Variants in PCNT observed in about 807,000 individuals in gnomAD.
The protein encoded by PCNT is kendrin.
In PCNT, 319 loss-of-function variants were observed where a neutral mutation model predicts 380.4. The ratio of observed to expected loss-of-function variants is 0.84; its 90% CI spans 0.77 to 0.92. The LOEUF is 0.92. Among genes scored for constraint, PCNT ranks in the 40% least tolerant of loss-of-function variants. The pLI is 0.00. For synonymous variants in PCNT, 1,845 were observed against 1,735.2 expected, an observed-to-expected ratio of 1.06 and a Z score of -1.57; for missense variants, 4,400 against 4,255.3, an observed-to-expected ratio of 1.03 and a Z score of -0.95.
chr21:46,334,020 C>T (rs962155774), intron 2 of PCNT, among the ~76,000 whole-genome samples: 18 of 152,098 alleles, frequency 1.2e-4, no homozygotes, highest in East Asian at 5.8e-4. Context: ...TCTTGGCTAA[C>T]ATGGTGAAAC....
intron 23 of PCNT, 44 bp downstream of exon 23, chr21:46,398,174 CTG>C (rs2086271015): frequency 4.4e-6 from 7 of 1,607,052 alleles, no homozygotes; most frequent in African/African-American, 4.0e-5. Context: ...CTGTCTTTCA[CTG>C]TGTTTTTAAG....
rs2084330410 is a variant in PCNT, at chr21:46,352,986, TG to T, written c.1457-115del. 15 of 798,848 alleles carry T rather than the reference TG, an allele frequency of 1.9e-5. 1 individual carries two copies. The South Asian group carries it at 2.2e-4, about 12-fold the overall frequency. 49.5% of individuals were successfully genotyped at this position (798,848 alleles called of 1,614,324 possible). On this transcript the variant is annotated intron_variant, in intron 9 of 46. Transcript: ENST00000359568. ...GGGGTCCCTCATCCCTCTCCGGTTC[TG>T]GGATGGGCCCTTTTCCGAGTTCTGC...
chr21:46,403,046 A>G (rs984556326), intron 27 of PCNT, among the ~76,000 whole-genome samples: 1 of 152,288 alleles, frequency 6.6e-6, no homozygotes, highest in Admixed American at 6.5e-5. Flanking sequence ...TCAAAATTGC[A>G]GAGCATTCAT....
intron 35 of PCNT, among the ~76,000 whole-genome samples, chr21:46,429,014 T>C (rs2147947249): frequency 6.6e-6 from 1 of 152,366 alleles, no homozygotes; most frequent in East Asian, 1.9e-4. Context: ...GTCAGCTGTG[T>C]GGGCAGATGC....
chr21:46,405,767 C>T (rs1228511330), intron 27 of PCNT, among the ~76,000 whole-genome samples: 1 of 152,086 alleles, frequency 6.6e-6, no homozygotes, highest in Non-Finnish European at 1.5e-5. Flanking sequence ...CTATAGTGCT[C>T]TAGAACTTGA....
At chr21:46,378,518 G>A (rs922888367) in intron 15 of PCNT, among the ~76,000 whole-genome samples, 1 of 152,054 alleles carries the variant, frequency 6.6e-6, no homozygotes, top group Admixed American at 6.6e-5. Flanking sequence ...TGCTTGCCAC[G>A]TGGATAACGC....
chr21:46,381,208 G>C (rs1414968360), intron 15 of PCNT, among the ~76,000 whole-genome samples: 2 of 65,232 alleles, frequency 3.1e-5, no homozygotes, highest in South Asian at 4.6e-4. Context: ...GTGTGTGTGT[G>C]TGTGTGTGTG....
In PCNT at chr21:46,389,232, C is replaced by G. The variant is rs2085949408; in HGVS notation, c.3641C>G (p.Ala1214Gly). ...PALEETWSDV[A>G]LPELDRTLSE... ...CTGGAGGAGACATGGTCTGATGTGG[C>G]CCTCCCGGAGTTGGACAGAACTTTG... The change falls in exon 19 of 47, where the codon GCC (alanine) becomes GGC (glycine). Residue 1214 changes from alanine to glycine, a missense_variant. Transcript: ENST00000359568. The G allele has an allele frequency of 5.0e-6, 8 of 1,614,140 alleles. No individual in the cohort carries two copies. In the East Asian group the frequency reaches 1.6e-4, roughly 31 times the overall value.
At chr21:46,328,934 C>A (rs1295855905) in intron 2 of PCNT, among the ~76,000 whole-genome samples, 1 of 152,068 alleles carries the variant, frequency 6.6e-6, no homozygotes, top group African/African-American at 2.4e-5. Flanking sequence ...CCACCATGGC[C>A]GGCTAATTTT....
At chr21:46,415,997 A>G in intron 29 of PCNT, 72 bp from the exon 30 acceptor site, 2 of 1,506,374 alleles carry the variant, frequency 1.3e-6, no homozygotes, top group Non-Finnish European at 9.2e-7. Context: ...AAATCCACTC[A>G]TTAACACCAG....
chr21:46,401,049 A>G (rs564019220), intron 25 of PCNT, among the ~76,000 whole-genome samples: 33 of 152,356 alleles, frequency 2.2e-4, no homozygotes, highest in African/African-American at 7.9e-4. Context: ...AGCTTAGTAG[A>G]TGCCAGGGTT....
chr21:46,404,321 T>C (rs977690943), intron 27 of PCNT, among the ~76,000 whole-genome samples: 3 of 152,278 alleles, frequency 2.0e-5, no homozygotes, highest in Non-Finnish European at 4.4e-5. Context: ...GGACATTTCA[T>C]ATCTGTAGGG....
chr21:46,370,151 C>CA (rs1392259679), intron 15 of PCNT, among the ~76,000 whole-genome samples: 1 of 149,444 alleles, frequency 6.7e-6, no homozygotes, highest in East Asian at 2.0e-4. Context: ...GGTCTGTGCT[C>CA]AAAGAGTGCA....
At position 46,346,773 on chromosome 21, in the gene PCNT, C is replaced by T. The variant is rs754482912; in HGVS notation, c.751C>T (p.Arg251Cys). The change falls in exon 5 of 47, where the codon CGC (arginine) becomes TGC (cysteine). Residue 251 changes from arginine (R) to cysteine (C), a missense_variant. Arg to Cys is a radical substitution (Grantham distance 180). Transcript: ENST00000359568. ...GCATGGCCTTGAGCTGGAGGCGCTG[C>T]GCCTGAGTCTGAGCAACATGCACAC... ...AVHGLELEAL[R>C]LSLSNMHTAQ... 8 of 1,597,382 alleles carry T rather than the reference C, an allele frequency of 5.0e-6. No individual in the cohort carries two copies. The highest frequency in any genetic ancestry group is 1.3e-5 in the African/African-American group (1 of 74,926).
At position 46,401,601 on chromosome 21, in the gene PCNT, C is replaced by G. The variant is rs1334531998; in HGVS notation, c.4842C>G (p.Ser1614=). Residue 1614 remains serine, a synonymous_variant, in exon 26 of 47, where the codon TCC becomes TCG. Coordinates refer to ENST00000359568, the MANE Select transcript of PCNT (RefSeq NM_006031.6). ...KQQMSSLLLA[S]TLQSTLDAGR... ...AGATGAGTAGCTTGCTTCTGGCGTC[C>G]ACGTTGCAGTCTACACTAGATGCAG... The G allele has an allele frequency of 3.1e-6, 5 of 1,613,852 alleles. No homozygotes were observed. The highest frequency in any genetic ancestry group is 4.2e-6 in the Non-Finnish European group (5 of 1,179,870).
chr21:46,378,228 A>G (rs972337178), intron 15 of PCNT, among the ~76,000 whole-genome samples: 1 of 151,922 alleles, frequency 6.6e-6, no homozygotes, highest in African/African-American at 2.4e-5. Flanking sequence ...TGAACCCCTT[A>G]TATGCTGTTT....
intron 17 of PCNT, among the ~76,000 whole-genome samples, chr21:46,386,719 G>T (rs1809010621): frequency 1.3e-5 from 2 of 152,238 alleles, no homozygotes; most frequent in African/African-American, 4.8e-5. Flanking sequence ...CACCATGGAG[G>T]TTTTTCCCAG....
At chr21:46,443,972 C>T (rs748797646) in intron 45 of PCNT, 24 bp downstream of exon 45, 27 of 1,606,204 alleles carry the variant, frequency 1.7e-5, no homozygotes, top group Middle Eastern at 2.2e-4. Context: ...CTTCAGGCCC[C>T]GTCTCCTGCC....
At position 46,430,213 on chromosome 21, in the gene PCNT, C is replaced by G. The variant is rs933490103; in HGVS notation, c.7894C>G (p.Gln2632Glu). ...QLSRSLCEVQ[Q>E]EVLQLRSMLS... ...GTCCCGGTCCCTCTGCGAGGTGCAG[C>G]AGGAGGTCCTCCAGCTGAGGTGCGC... The change falls in exon 36 of 47, where the codon CAG becomes GAG. Residue 2632 changes from glutamine (Q) to glutamate (E), a missense_variant. By Grantham distance (29) the Gln-to-Glu change is conservative. Coordinates refer to ENST00000359568, the MANE Select transcript of PCNT (RefSeq NM_006031.6). The G allele has an allele frequency of 1.7e-5, 27 of 1,613,490 alleles. No homozygotes were observed. The highest frequency in any genetic ancestry group is 1.9e-5 in the Non-Finnish European group (23 of 1,179,910).
Sources: gnomAD v4.1 joint callset for allele counts (sites outside exome capture counted in the v4.1 genomes callset) on GRCh38, gnomAD v4.1.1 for gene constraint, MANE v1.5 for transcripts, NCBI Gene and HGNC (gene_info 2026-07-23, HGNC 2026-07-21) for gene names.